Variants in SLC5A11 observed in about 807,000 individuals in gnomAD.
The protein encoded by SLC5A11 is sodium/myo-inositol cotransporter 2.
A neutral mutation model predicts 69.8 loss-of-function variants in SLC5A11; 48 were observed. That is an observed-to-expected ratio of 0.69 (90% CI 0.55 to 0.87). The LOEUF is 0.87. Ranked by LOEUF, SLC5A11 falls within the 40% of genes least tolerant of loss-of-function variation. The pLI, the probability that SLC5A11 is intolerant of heterozygous loss-of-function variation, is 0.00. For synonymous variants in SLC5A11, 319 were observed against 342.4 expected, an observed-to-expected ratio of 0.93 and a Z score of 0.75; for missense variants, 784 against 866.1, an observed-to-expected ratio of 0.91 and a Z score of 1.19.
At chr16:24,905,790 G>A (rs1315391586) in intron 10 of SLC5A11, among the ~76,000 whole-genome samples, 1 of 152,126 alleles carries the variant, frequency 6.6e-6, no homozygotes. Context: ...ATATAATCTG[G>A]AGAAACTAAC....
chr16:24,910,819 A>G (rs1034588626), intron 15 of SLC5A11, among the ~76,000 whole-genome samples: 2 of 152,150 alleles, frequency 1.3e-5, no homozygotes, highest in African/African-American at 2.4e-5. Context: ...GCTTGCAGAC[A>G]TATTTTGGCT....
chr16:24,854,060 C>T lies in SLC5A11; in HGVS notation c.-24-4560C>T, dbSNP rs947049485. 3.3e-5 allele frequency among the ~76,000 whole-genome samples: 5 copies of T among 152,068 alleles called. 1 individual carries two copies. The highest frequency in any genetic ancestry group is 4.1e-4 in the South Asian group (2 of 4,820). The stretch of plus-strand genomic sequence containing the variant: ...CCAGTTTCGCCGGCTGTGGGCCCCA[C>T]GGCGATGATGAATAACTTGTTTATC... On this transcript the variant is annotated intron_variant, in intron 1 of 15. Coordinates refer to ENST00000347898, the Ensembl canonical transcript of SLC5A11.
At chr16:24,873,946 C>G (rs1022651454) in intron 5 of SLC5A11, among the ~76,000 whole-genome samples, 1 of 151,412 alleles carries the variant, frequency 6.6e-6, no homozygotes, top group South Asian at 2.1e-4. Flanking sequence ...CCTCCCTCAA[C>G]CTCCCAAGTA....
chr16:24,894,556 C>CT (rs1163828616), intron 9 of SLC5A11, among the ~76,000 whole-genome samples: 3 of 152,040 alleles, frequency 2.0e-5, no homozygotes. Context: ...AATCCCAGCA[C>CT]TTTGGGAGGC....
intron 2 of SLC5A11, among the ~76,000 whole-genome samples, chr16:24,860,511 T>C (rs2059721196): frequency 1.2e-5 from 1 of 86,936 alleles, no homozygotes; most frequent in African/African-American, 7.1e-5. Context: ...AGCTATAAGA[T>C]AAATTCCCTG....
chr16:24,880,624 G>A (rs571066731), intron 7 of SLC5A11, among the ~76,000 whole-genome samples: 89 of 151,728 alleles, frequency 5.9e-4, no homozygotes, highest in Admixed American at 1.9e-3. Flanking sequence ...ATGAGCCACC[G>A]TGCCTGGCCT....
At chr16:24,858,776 T>A in exon 2 of SLC5A11, 1 of 1,610,434 alleles carries the variant, frequency 6.2e-7, no homozygotes. Context: ...TGTTGGACTA[T>A]GGGTAAGCCA....
chr16:24,901,958 G>GCACACACACACACACA (rs56126191), intron 10 of SLC5A11, among the ~76,000 whole-genome samples: 3 of 136,576 alleles, frequency 2.2e-5, no homozygotes, highest in African/African-American at 8.3e-5. Context: ...ACACACACAC[G>GCACACACACACACACA]CACACACACA....
chr16:24,905,640 G>GCGCGCACACACA (rs1443035551), intron 10 of SLC5A11, among the ~76,000 whole-genome samples: 26 of 136,776 alleles, frequency 1.9e-4, no homozygotes, highest in African/African-American at 7.3e-4. Context: ...GCGCGCGCGC[G>GCGCGCACACACA]CACACACACA....
At chr16:24,890,779 A>G (rs2048741491) in intron 8 of SLC5A11, 90 bp from the exon 10 acceptor site, 1 of 1,247,722 alleles carries the variant, frequency 8.0e-7, no homozygotes, top group Non-Finnish European at 1.2e-6. Context: ...CTCTGGTCCT[A>G]CTAGAATTTC....
intron 6 of SLC5A11, among the ~76,000 whole-genome samples, chr16:24,876,218 A>G (rs1246395919): frequency 1.3e-5 from 2 of 151,338 alleles, no homozygotes; most frequent in African/African-American, 4.9e-5. Flanking sequence ...AAAAAAAAAA[A>G]GAAGAAATTG....
At chr16:24,877,046 T>C (rs372114743) in intron 6 of SLC5A11, 6 of 1,384,332 alleles carry the variant, frequency 4.3e-6, no homozygotes, top group African/African-American at 1.4e-5. Flanking sequence ...AGGAAGACCA[T>C]TGAGGAGGCT....
chr16:24,877,437 C>A (rs966042832), intron 7 of SLC5A11, 74 bp downstream of exon 8: 3 of 1,102,612 alleles, frequency 2.7e-6, no homozygotes, highest in East Asian at 4.7e-5. Context: ...CTTCTCCTTG[C>A]CCATCTTCTG....
chr16:24,880,873 G>A (rs1197179383), intron 7 of SLC5A11, among the ~76,000 whole-genome samples: 2 of 152,020 alleles, frequency 1.3e-5, no homozygotes, highest in Non-Finnish European at 1.5e-5. Flanking sequence ...CCTCGCCAAC[G>A]TCGGTTATCT....
chr16:24,862,547 A>G (rs370325761), intron 2 of SLC5A11, 54 bp from the exon 4 acceptor site: 5 of 1,512,126 alleles, frequency 3.3e-6, no homozygotes, highest in African/African-American at 1.4e-5. Context: ...CCATTTTGAG[A>G]TGCCTCTGAT....
At chr16:24,886,743 G>A (rs2048427248) in intron 8 of SLC5A11, among the ~76,000 whole-genome samples, 1 of 152,120 alleles carries the variant, frequency 6.6e-6, no homozygotes, top group Non-Finnish European at 1.5e-5. Context: ...GAGGCCAGTA[G>A]CTTGAAACCA....
chr16:24,860,121 AT>A (rs2059700324), intron 2 of SLC5A11, among the ~76,000 whole-genome samples: 1 of 152,188 alleles, frequency 6.6e-6, no homozygotes. Flanking sequence ...CCCCATCACT[AT>A]TAAAAATACA....
intron 4 of SLC5A11, among the ~76,000 whole-genome samples, 164 bp from the exon 6 acceptor site, chr16:24,871,996 T>A (rs1198350985): frequency 6.6e-6 from 1 of 152,048 alleles, no homozygotes; most frequent in South Asian, 2.1e-4. Flanking sequence ...TTCCCCATGT[T>A]AAAAAAGGAA....
At chr16:24,862,753 A>C in intron 3 of SLC5A11, 81 bp downstream of exon 4, 37 of 1,286,784 alleles carry the variant, frequency 2.9e-5, no homozygotes, top group Non-Finnish European at 3.7e-5. Context: ...TTGATATCTC[A>C]GGACTCTCTG....
Sources: allele counts gnomAD v4.1 joint callset (sites outside exome capture counted in the v4.1 genomes callset), GRCh38; gene constraint gnomAD v4.1.1; transcripts MANE v1.5; gene names NCBI Gene and HGNC (gene_info 2026-07-23, HGNC 2026-07-21).